The following MAGI3 variants were observed in gnomAD, a reference collection of about 807,000 sequenced individuals.
MAGI3 encodes membrane-associated guanylate kinase, WW and PDZ domain-containing protein 3.
Under a neutral mutation model 121.8 loss-of-function variants are expected in MAGI3, and 43 were observed. The observed-to-expected ratio is 0.35, with a 90% CI of 0.28 to 0.46. The LOEUF is 0.46. Among genes scored for constraint, MAGI3 ranks in the 20% least tolerant of loss-of-function variants. The probability of loss-of-function intolerance (pLI) is 1.00; values close to 1 mark genes in which losing one functional copy is unlikely to be tolerated. For missense variants in MAGI3, 1,547 were observed against 1,797.3 expected, an observed-to-expected ratio of 0.86 and a Z score of 2.52; for synonymous variants, 553 against 639.3, an observed-to-expected ratio of 0.86 and a Z score of 2.04.
At chr1:113,458,948 AT>A (rs921550380) in intron 1 of MAGI3, among the ~76,000 whole-genome samples, 35 of 152,146 alleles carry the variant, frequency 2.3e-4, no homozygotes, top group African/African-American at 7.7e-4. Flanking sequence ...AGCAAACCCA[AT>A]TTTTTTTATC....
At chr1:113,445,272 G>A (rs1160523779) in intron 1 of MAGI3, among the ~76,000 whole-genome samples, 1 of 152,092 alleles carries the variant, frequency 6.6e-6, no homozygotes, top group African/African-American at 2.4e-5. Flanking sequence ...ACTCCAAGTA[G>A]TGTGAACCCA....
At chr1:113,395,087 G>GTTTTTTTTTTTTTTTTTT (rs139532433) in intron 1 of MAGI3, among the ~76,000 whole-genome samples, 3 of 33,244 alleles carry the variant, frequency 9.0e-5, no homozygotes, top group Non-Finnish European at 1.5e-4. Flanking sequence ...CTTTTTGTTA[G>GTTTTTTTTTTTTTTTTTT]TTTTTTTTTT....
intron 1 of MAGI3, among the ~76,000 whole-genome samples, chr1:113,464,235 A>G (rs1347452249): frequency 6.6e-6 from 1 of 152,066 alleles, no homozygotes; most frequent in Non-Finnish European, 1.5e-5. Flanking sequence ...CCCACATATG[A>G]GTGAGAACAA....
chr1:113,438,360 C>T (rs1021742637), intron 1 of MAGI3, among the ~76,000 whole-genome samples: 3 of 152,304 alleles, frequency 2.0e-5, no homozygotes, highest in Admixed American at 6.5e-5. Flanking sequence ...AATCAGAACA[C>T]GTTTCTGTTC....
At chr1:113,475,222 C>A (rs1008246092) in intron 1 of MAGI3, among the ~76,000 whole-genome samples, 1 of 152,056 alleles carries the variant, frequency 6.6e-6, no homozygotes, top group African/African-American at 2.4e-5. Flanking sequence ...AACCGAATAC[C>A]CTTTATTTCT....
At chr1:113,513,488 C>A (rs1045818927) in intron 1 of MAGI3, among the ~76,000 whole-genome samples, 11 of 152,278 alleles carry the variant, frequency 7.2e-5, no homozygotes, top group Middle Eastern at 6.8e-3. Flanking sequence ...CTACAACTAT[C>A]TGATCTTTGA....
intron 8 of MAGI3, 150 bp from the exon 9 acceptor site, chr1:113,622,656 G>A: frequency 1.6e-6 from 1 of 609,338 alleles, no homozygotes; most frequent in Non-Finnish European, 2.7e-6. Flanking sequence ...TTCATATAAT[G>A]GACTCTGGGT....
chr1:113,639,506 A>G (rs2101817859), intron 9 of MAGI3, among the ~76,000 whole-genome samples: 1 of 152,252 alleles, frequency 6.6e-6, no homozygotes, highest in Middle Eastern at 3.4e-3. Context: ...CGTTCAAGTG[A>G]TTCTCCTGCC....
chr1:113,562,802 C>T (rs1570866824), intron 2 of MAGI3, among the ~76,000 whole-genome samples: 1 of 152,248 alleles, frequency 6.6e-6, no homozygotes, highest in East Asian at 1.9e-4. Flanking sequence ...GTTTATGTAA[C>T]AAACCTGCAC....
At chr1:113,508,042 G>T (rs1247906317) in intron 1 of MAGI3, among the ~76,000 whole-genome samples, 1 of 152,126 alleles carries the variant, frequency 6.6e-6, no homozygotes, top group Non-Finnish European at 1.5e-5. Context: ...GGCCATGGAG[G>T]TATATTGCAT....
chr1:113,420,796 G>A (rs1250314076), intron 1 of MAGI3, among the ~76,000 whole-genome samples: 2 of 152,188 alleles, frequency 1.3e-5, no homozygotes, highest in Admixed American at 1.3e-4. Context: ...CTAGTTAGTA[G>A]TTCACTTTCA....
chr1:113,551,168 ACTCT>A (rs1272483164), intron 2 of MAGI3, among the ~76,000 whole-genome samples: 1 of 152,020 alleles, frequency 6.6e-6, no homozygotes, highest in African/African-American at 2.4e-5. Flanking sequence ...ATCCTCAGAA[ACTCT>A]CTATATAGAA....
chr1:113,478,553 C>T (rs565070367), intron 1 of MAGI3, among the ~76,000 whole-genome samples: 6 of 152,304 alleles, frequency 3.9e-5, no homozygotes, highest in South Asian at 4.2e-4. Context: ...GTATCACCAG[C>T]GGAGGCTGTA....
chr1:113,472,966 T>A (rs1020237949), intron 1 of MAGI3, among the ~76,000 whole-genome samples: 1 of 152,242 alleles, frequency 6.6e-6, no homozygotes, highest in Non-Finnish European at 1.5e-5. Context: ...TTTAAACTTT[T>A]ATAGTAGAGT....
intron 1 of MAGI3, among the ~76,000 whole-genome samples, chr1:113,505,480 C>A (rs1426527445): frequency 7.0e-6 from 1 of 143,148 alleles, no homozygotes; most frequent in South Asian, 2.2e-4. Context: ...ATGGCCCCTG[C>A]AATGACAAAT....
chr1:113,637,960 C>G (rs1652154206), intron 9 of MAGI3, among the ~76,000 whole-genome samples: 3 of 152,274 alleles, frequency 2.0e-5, no homozygotes, highest in South Asian at 4.1e-4. Context: ...AACTTCCCTT[C>G]TCGCTTCATT....
chr1:113,653,731 G>T, intron 14 of MAGI3, 99 bp from the exon 15 acceptor site: 3 of 1,079,380 alleles, frequency 2.8e-6, no homozygotes, highest in Non-Finnish European at 3.9e-6. Context: ...TATGTTATTA[G>T]AAACTGAATT....
intron 1 of MAGI3, among the ~76,000 whole-genome samples, chr1:113,433,737 C>G (rs536043370): frequency 8.6e-5 from 13 of 152,014 alleles, no homozygotes; most frequent in Admixed American, 7.9e-4. Flanking sequence ...TGACTTAACA[C>G]GGTATATTCT....
intron 6 of MAGI3, among the ~76,000 whole-genome samples, chr1:113,604,620 A>G (rs1649634028): frequency 6.7e-6 from 1 of 150,158 alleles, no homozygotes; most frequent in African/African-American, 2.4e-5. Flanking sequence ...TGTGGTATAT[A>G]TATACCATGG....
Sources: gnomAD v4.1 joint callset for allele counts (sites outside exome capture counted in the v4.1 genomes callset) on GRCh38, gnomAD v4.1.1 for gene constraint, MANE v1.5 for transcripts, NCBI Gene and HGNC (gene_info 2026-07-23, HGNC 2026-07-21) for gene names.